Variants in ZNF131 observed in about 807,000 individuals in gnomAD.
ZNF131 encodes zinc finger protein 131.
ZNF131 carries 7 observed loss-of-function variants against 60.0 expected under a neutral mutation model. That is an observed-to-expected ratio of 0.12 (90% CI 0.07 to 0.22). The LOEUF is 0.22. Among genes scored for constraint, ZNF131 ranks in the 10% least tolerant of loss-of-function variants. The probability of loss-of-function intolerance (pLI) is 1.00; values close to 1 mark genes in which losing one functional copy is unlikely to be tolerated. For missense variants in ZNF131, 493 were observed against 740.9 expected (o/e 0.67, Z 3.88); for synonymous variants, 257 against 253.2 (o/e 1.01, Z -0.14).
chr5:43,162,389 C>G (rs1167471894), intron 5 of ZNF131, among the ~76,000 whole-genome samples: 3 of 144,830 alleles, frequency 2.1e-5, no homozygotes, highest in African/African-American at 7.7e-5. Context: ...GTCAGGTGTT[C>G]GAGACCAGCC....
chr5:43,131,973 G>T (rs2112182559), intron 3 of ZNF131, among the ~76,000 whole-genome samples: 1 of 151,936 alleles, frequency 6.6e-6, no homozygotes, highest in Middle Eastern at 3.4e-3. Context: ...TTAGGAGTCA[G>T]ACCATCTGGT....
chr5:43,162,969 C>CTTTTTTTTTTTTTTTTTTTTTTTTTTTT (rs1205635519), intron 5 of ZNF131, among the ~76,000 whole-genome samples: 1 of 64,924 alleles, frequency 1.5e-5, no homozygotes, highest in African/African-American at 5.1e-5. Flanking sequence ...TTTTATTTGC[C>CTTTTTTTTTTTTTTTTTTTTTTTTTTTT]TTTTTTTTTT....
intron 3 of ZNF131, among the ~76,000 whole-genome samples, chr5:43,135,588 G>GA (rs929320250): frequency 1.6e-3 from 235 of 150,768 alleles, no homozygotes; most frequent in African/African-American, 5.5e-3. Context: ...GTCTCTTCCG[G>GA]AAAAAAATAC....
At chr5:43,143,759 A>G (rs1165653781) in intron 4 of ZNF131, among the ~76,000 whole-genome samples, 1 of 152,110 alleles carries the variant, frequency 6.6e-6, no homozygotes, top group Non-Finnish European at 1.5e-5. Context: ...AGCAGTTTAC[A>G]ACTGCTTTAG....
At chr5:43,152,283 G>A (rs1748416970) in intron 4 of ZNF131, among the ~76,000 whole-genome samples, 1 of 152,168 alleles carries the variant, frequency 6.6e-6, no homozygotes, top group Non-Finnish European at 1.5e-5. Flanking sequence ...GATTACAGGT[G>A]TGAGCCACCA....
chr5:43,135,646 G>A (rs930581879), intron 3 of ZNF131, among the ~76,000 whole-genome samples: 11 of 152,068 alleles, frequency 7.2e-5, no homozygotes, highest in African/African-American at 2.7e-4. Context: ...CCAGCTATTC[G>A]GGAGGCTGAG....
In ZNF131 at chr5:43,149,113, G is replaced by A. The variant is rs563637615; in HGVS notation, c.371+9804G>A. On this transcript the variant is annotated intron_variant, in intron 4 of 6. Coordinates refer to ENST00000682664, the MANE Select transcript of ZNF131 (RefSeq NM_001330707.2). Reference sequence around the variant, plus strand: ...TGGCCAACATGGCGAAACCCCGTCTGTACAAAAATTAGCTGGGCATAATGG... The same window carrying A: ...TGGCCAACATGGCGAAACCCCGTCTATACAAAAATTAGCTGGGCATAATGG... Among the ~76,000 whole-genome samples the A allele has an allele frequency of 9.9e-5, 15 of 152,258 alleles. No individual in the cohort carries two copies. The South Asian group carries it at 2.7e-3, about 27-fold the overall frequency.
In ZNF131 at chr5:43,164,824, C is replaced by T. The variant is rs77865683; in HGVS notation, c.1054+2893C>T. ...AAGTAGTTGTTATAAATTACTGAAC[C>T]ATATACCCATTGGAGGAACAGTTGA... On this transcript the variant is annotated intron_variant, in intron 5 of 6. Coordinates refer to ENST00000682664, the MANE Select transcript of ZNF131 (RefSeq NM_001330707.2). Among the ~76,000 whole-genome samples, 1,585 of 152,238 alleles carry T rather than the reference C, an allele frequency of 0.01. 106 individuals carry two copies. In the East Asian group the frequency reaches 0.19, roughly 18 times the overall value.
At chr5:43,122,246 CTTTTTTTTTTTTTTT>C (rs35497367) in intron 2 of ZNF131, 69 bp downstream of exon 2, 1 of 920,890 alleles carries the variant, frequency 1.1e-6, no homozygotes, top group African/African-American at 2.0e-5. Context: ...GGACACCCGC[CTTTTTTTTTTTTTTT>C]TTTTTTTTAA....
chr5:43,140,237 G>T (rs1267774607), intron 4 of ZNF131, among the ~76,000 whole-genome samples: 1 of 152,142 alleles, frequency 6.6e-6, no homozygotes, highest in Admixed American at 6.5e-5. Flanking sequence ...TTAAAAAAGA[G>T]AAAACGTGAA....
chr5:43,173,180 A>G lies in ZNF131; in HGVS notation c.1055-138A>G, dbSNP rs1751212430. On this transcript the variant is annotated intron_variant, in intron 5 of 6. Transcript: ENST00000682664. ...AAAGTCTTTGGAATATGGTGAAAATATTTGAATTCTGAATTGTGATTTCTC... is the reference window on the plus strand; with the variant it reads ...AAAGTCTTTGGAATATGGTGAAAATGTTTGAATTCTGAATTGTGATTTCTC... The G allele has an allele frequency of 3.2e-6, 3 of 943,424 alleles. No individual in the cohort carries two copies. The Admixed American group carries it at 9.2e-5, about 29-fold the overall frequency. 58.4% of individuals were successfully genotyped at this position (943,424 alleles called of 1,614,324 possible).
intron 3 of ZNF131, among the ~76,000 whole-genome samples, chr5:43,136,985 A>T (rs1328603929): frequency 6.6e-6 from 1 of 152,180 alleles, no homozygotes; most frequent in Non-Finnish European, 1.5e-5. Flanking sequence ...GCAACAAATG[A>T]TGTTGGAAGA....
intron 5 of ZNF131, among the ~76,000 whole-genome samples, chr5:43,167,019 T>C (rs193081600): frequency 6.6e-6 from 1 of 152,094 alleles, no homozygotes. Context: ...TTGATCTGAT[T>C]TCAATATTGT....
Position 43,154,974 on chromosome 5 carries a change from G to C in ZNF131, c.372-6275G>C, listed in dbSNP as rs187903702. 1.2e-3 allele frequency among the ~76,000 whole-genome samples: 190 copies of C among 152,332 alleles called. 2 individuals are homozygous for C. The highest frequency in any genetic ancestry group is 0.01 in the Admixed American group (156 of 15,304). ...TTAATTTGGGGGAATGTTGACCAGAGTCATGAGGACAGCCTTGAGTTCTGC... is the reference window on the plus strand; with the variant it reads ...TTAATTTGGGGGAATGTTGACCAGACTCATGAGGACAGCCTTGAGTTCTGC... On this transcript the variant is annotated intron_variant, in intron 4 of 6. Transcript: ENST00000682664.
intron 4 of ZNF131, among the ~76,000 whole-genome samples, chr5:43,155,551 T>G (rs1748854356): frequency 6.6e-6 from 1 of 152,068 alleles, no homozygotes; most frequent in Non-Finnish European, 1.5e-5. Context: ...GCCCTAAAGG[T>G]AGAGAGAATG....
At chr5:43,158,783 T>C (rs13181290) in intron 4 of ZNF131, among the ~76,000 whole-genome samples, 14,756 of 152,160 alleles carry the variant, frequency 0.097, 847 homozygotes, top group East Asian at 0.19. Context: ...TGCTGGTTCC[T>C]GTGGACTTCC....
intron 4 of ZNF131, among the ~76,000 whole-genome samples, chr5:43,160,722 C>T (rs180989635): frequency 3.1e-5 from 4 of 128,864 alleles, no homozygotes; most frequent in Non-Finnish European, 4.8e-5. Flanking sequence ...TCGCTCTTGT[C>T]GCCCAGGCTG....
chr5:43,140,494 G>C (rs1334538084), intron 4 of ZNF131, among the ~76,000 whole-genome samples: 1 of 152,198 alleles, frequency 6.6e-6, no homozygotes, highest in African/African-American at 2.4e-5. Flanking sequence ...TGCATGCAAA[G>C]TGTTTAGCAT....
intron 3 of ZNF131, among the ~76,000 whole-genome samples, chr5:43,137,728 G>A (rs1224668693): frequency 6.6e-6 from 1 of 152,164 alleles, no homozygotes; most frequent in African/African-American, 2.4e-5. Flanking sequence ...CCCACTTGCT[G>A]AACATTTATC....
Sources: allele counts gnomAD v4.1 joint callset (sites outside exome capture counted in the v4.1 genomes callset), GRCh38; gene constraint gnomAD v4.1.1; transcripts MANE v1.5; gene names NCBI Gene and HGNC (gene_info 2026-07-23, HGNC 2026-07-21).